Variants in MOV10L1 observed in about 807,000 individuals in gnomAD.
The protein encoded by MOV10L1 is Mov10 like RNA helicase 1.
A neutral mutation model predicts 143.8 loss-of-function variants in MOV10L1; 110 were observed. The observed-to-expected ratio is 0.76, with a 90% confidence interval of 0.66 to 0.90. The LOEUF (loss-of-function observed/expected upper bound fraction) is 0.90, where lower values mean the gene tolerates loss of function less well. Among genes scored for constraint, MOV10L1 ranks in the 40% least tolerant of loss-of-function variants. The probability of loss-of-function intolerance (pLI) is 0.00; values close to 1 mark genes in which losing one functional copy is unlikely to be tolerated. For synonymous variants in MOV10L1, 593 were observed against 581.1 expected (o/e 1.02, Z -0.29); for missense variants, 1,406 against 1,526.8 (o/e 0.92, Z 1.32).
At chr22:50,103,480 T>C (rs567626984) in intron 3 of MOV10L1, among the ~76,000 whole-genome samples, 1 of 152,326 alleles carries the variant, frequency 6.6e-6, no homozygotes, top group Non-Finnish European at 1.5e-5. Context: ...GGGGCTTGTC[T>C]TGGGCACTGG....
intron 19 of MOV10L1, among the ~76,000 whole-genome samples, chr22:50,148,539 C>T (rs1242743104): frequency 2.6e-5 from 4 of 152,262 alleles, no homozygotes; most frequent in Admixed American, 6.5e-5. Flanking sequence ...CCTTGTCACA[C>T]GGAGAAGGAA....
At chr22:50,148,438 G>A (rs2015446) in intron 19 of MOV10L1, among the ~76,000 whole-genome samples, 34,928 of 152,000 alleles carry the variant, frequency 0.23, 4,385 homozygotes, top group Admixed American at 0.36. Flanking sequence ...CAAGAGTTCC[G>A]CAGCTTCTCC....
rs562692445 is a variant in MOV10L1, at chr22:50,112,520, G to A, written c.744-1128G>A. Among the ~76,000 whole-genome samples the A allele has an allele frequency of 1.9e-3, 292 of 152,304 alleles. 8 individuals are homozygous for A. Among genetic ancestry groups the A allele is most frequent in the Admixed American group, 0.019 (288 of 15,298 alleles). The stretch of plus-strand genomic sequence containing the variant: ...AAGGAGACAGCACAGCACGGAACCC[G>A]CACTCTCCTTCTCTTTAGGCTAGTA... On this transcript the variant is annotated intron_variant, in intron 5 of 26. Transcript: ENST00000262794.
intron 2 of MOV10L1, among the ~76,000 whole-genome samples, chr22:50,097,958 C>T (rs139182895): frequency 1.1e-3 from 163 of 152,138 alleles, no homozygotes; most frequent in African/African-American, 3.9e-3. Flanking sequence ...CTCAGCCTCC[C>T]AAGTAGCTGG....
At position 50,120,634 on chromosome 22, in the gene MOV10L1, G is replaced by A; in HGVS notation, c.1569+18G>A. 1 of 1,540,410 alleles carries A rather than the reference G, an allele frequency of 6.5e-7. No individual in the cohort carries two copies. The highest frequency in any genetic ancestry group is 1.4e-5 in the African/African-American group (1 of 73,234). On this transcript the variant is annotated intron_variant, in intron 10 of 26. Transcript: ENST00000262794. ...TTGCAGAGGTAGGAAGTGTCTCATGGCCTGTGGGGTGTTGGCATCTTCTAA... is the reference window on the plus strand; with the variant it reads ...TTGCAGAGGTAGGAAGTGTCTCATGACCTGTGGGGTGTTGGCATCTTCTAA...
chr22:50,135,021 C>CT (rs965278625), intron 15 of MOV10L1, among the ~76,000 whole-genome samples: 77 of 148,156 alleles, frequency 5.2e-4, no homozygotes, highest in African/African-American at 1.1e-3. Context: ...TCTTTTCTTT[C>CT]TTTTTTTTTT....
rs142398552 is a variant in MOV10L1 at position 50,129,604 on chromosome 22, G to A, written c.1910+1097G>A. 2.0e-5 allele frequency among the ~76,000 whole-genome samples: 3 copies of A among 152,292 alleles called. No individual in the cohort carries two copies. In the East Asian group the frequency reaches 5.8e-4, roughly 29 times the overall value. ...TGTGTATGTAGGGATGGGATTGCTG[G>A]GTTTGGGGTTTTTCCAGCTTTACAA... On this transcript the variant is annotated intron_variant, in intron 13 of 26. Transcript: ENST00000262794.
chr22:50,097,925 C>T (rs1488742708), intron 2 of MOV10L1, among the ~76,000 whole-genome samples: 1 of 152,094 alleles, frequency 6.6e-6, no homozygotes, highest in Non-Finnish European at 1.5e-5. Context: ...CCTCCGCCTC[C>T]CTGGTTCAAG....
At chr22:50,099,694 TC>T in intron 3 of MOV10L1, 92 bp downstream of exon 3, 1 of 1,418,126 alleles carries the variant, frequency 7.1e-7, no homozygotes. Context: ...ATGCCTATAA[TC>T]CCAGCACTTT....
At chr22:50,115,006 ATC>A in intron 7 of MOV10L1, 106 bp from the exon 8 acceptor site, 1 of 1,248,194 alleles carries the variant, frequency 8.0e-7, no homozygotes, top group Middle Eastern at 2.4e-4. Flanking sequence ...TTTTGTGTGC[ATC>A]TGTCTTTGTG....
At chr22:50,155,117 T>A (rs996025466) in intron 22 of MOV10L1, among the ~76,000 whole-genome samples, 1 of 152,214 alleles carries the variant, frequency 6.6e-6, no homozygotes, top group Non-Finnish European at 1.5e-5. Flanking sequence ...AAGTTTCTGC[T>A]ATAAGTTTCC....
chr22:50,106,569 C>G (rs1304000973), intron 3 of MOV10L1, among the ~76,000 whole-genome samples: 2 of 151,588 alleles, frequency 1.3e-5, no homozygotes, highest in Non-Finnish European at 2.9e-5. Flanking sequence ...TCATTTATGT[C>G]CAGGGAAATT....
intron 13 of MOV10L1, among the ~76,000 whole-genome samples, chr22:50,130,399 A>G (rs1256643104): frequency 6.6e-6 from 1 of 152,210 alleles, no homozygotes; most frequent in Non-Finnish European, 1.5e-5. Context: ...TGTCTGAGAA[A>G]TCGGCAGTAT....
intron 6 of MOV10L1, 124 bp downstream of exon 6, chr22:50,113,912 C>A (rs77178420): frequency 8.5e-4 from 223 of 263,286 alleles, no homozygotes; most frequent in Middle Eastern, 1.5e-3. Context: ...AAGATCTTTT[C>A]TTTTTTTTTT....
At position 50,144,141 on chromosome 22, in the gene MOV10L1, C is replaced by T; in HGVS notation, c.2403C>T (p.Pro801=). The change falls in exon 18 of 27, where the codon CCC becomes CCT. Residue 801 remains proline (P), a synonymous_variant. Transcript: ENST00000262794. ...ACAGTCGGATTTTAGTCTGTGCGCC[C>T]TCCAACAGTGCTGCTGACCTCGTGT... ...LPDSRILVCA[P]SNSAADLVCL... The T allele has an allele frequency of 6.2e-7, 1 of 1,613,554 alleles. No individual in the cohort carries two copies. The highest frequency in any genetic ancestry group is 8.5e-7 in the Non-Finnish European group (1 of 1,179,450).
At position 50,159,856 on chromosome 22, in the gene MOV10L1, G is replaced by T. The variant is rs556566712; in HGVS notation, c.3324+71G>T. 9.9e-5 allele frequency: 102 copies of T among 1,026,578 alleles called. No homozygotes were observed. The highest frequency in any genetic ancestry group is 1.4e-4 in the Non-Finnish European group (96 of 669,812). The allele number at this position is 1,026,578 out of a possible 1,614,324, so 63.6% of individuals were successfully genotyped here. ...TGCCCTGGGGGTTCTGGGGGCTTCA[G>T]ATCTAAAGGGGCAGAGGCTGATTCC... is the stretch of plus-strand genomic sequence containing the variant. On this transcript the variant is annotated intron_variant, in intron 24 of 26. Transcript: ENST00000262794. The surrounding 1 kb of genome is among the most constrained non-coding windows in gnomAD (Gnocchi z 4.1).
At position 50,158,354 on chromosome 22, in the gene MOV10L1, A is replaced by G; in HGVS notation, c.3216+148A>G. On this transcript the variant is annotated intron_variant, in intron 23 of 26. Transcript: ENST00000262794. This position sits in a 1 kb window ranked among gnomAD's most constrained non-coding sequence, Gnocchi z 5.0. ...GGACCGCACTTGAATGTCGTTCAAC[A>G]TGAGAGGTCACCCAACTGCCATCCA... 3.1e-6 allele frequency: 3 copies of G among 974,976 alleles called. No homozygotes were observed. The highest frequency in any genetic ancestry group is 1.8e-5 in the South Asian group (1 of 56,114). 60.4% of individuals were successfully genotyped at this position (974,976 alleles called of 1,614,324 possible). A position where few individuals can be genotyped will look rare whatever the true frequency, so the allele number is the denominator to read the frequency against.
At chr22:50,145,152 G>A (rs1327650692) in intron 18 of MOV10L1, among the ~76,000 whole-genome samples, 4 of 151,910 alleles carry the variant, frequency 2.6e-5, no homozygotes, top group African/African-American at 4.8e-5. Flanking sequence ...ATGTTGGTCA[G>A]GCTGGTCACG....
At chr22:50,117,710 C>A (rs1447254751) in intron 9 of MOV10L1, among the ~76,000 whole-genome samples, 1 of 152,200 alleles carries the variant, frequency 6.6e-6, no homozygotes, top group Non-Finnish European at 1.5e-5. Context: ...GTGTGTAGTG[C>A]ACGGCATCCC....
Sources: allele counts gnomAD v4.1 joint callset (sites outside exome capture counted in the v4.1 genomes callset), GRCh38; gene constraint gnomAD v4.1.1; non-coding constraint Gnocchi (gnomAD v3.1); transcripts MANE v1.5; gene names NCBI Gene and HGNC (gene_info 2026-07-23, HGNC 2026-07-21).